AK5: variants seen among roughly 807,000 people sequenced by gnomAD.
AK5 encodes the protein adenylate kinase isoenzyme 5.
In AK5, 27 loss-of-function variants were observed where a neutral mutation model predicts 69.5. That is an observed-to-expected ratio of 0.39 (90% CI 0.29 to 0.54). The LOEUF (loss-of-function observed/expected upper bound fraction) is 0.54, where lower values mean the gene tolerates loss of function less well. AK5 is among the 20% of genes least tolerant of loss of function. The pLI, the probability that AK5 is intolerant of heterozygous loss-of-function variation, is 0.71. For missense variants in AK5, 531 were observed against 700.4 expected (o/e 0.76, Z 2.73); for synonymous variants, 260 against 244.4 (o/e 1.06, Z -0.60).
intron 10 of AK5, among the ~76,000 whole-genome samples, chr1:77,509,835 A>C (rs1189742518): frequency 1.3e-5 from 2 of 152,188 alleles, no homozygotes; most frequent in Non-Finnish European, 2.9e-5. Context: ...AGTTAGAAAG[A>C]CTTTTAAACA....
chr1:77,378,148 T>G (rs1647366668), intron 6 of AK5, among the ~76,000 whole-genome samples: 1 of 152,212 alleles, frequency 6.6e-6, no homozygotes. Context: ...GTAAGCTGTT[T>G]GAGACACAGC....
chr1:77,515,766 T>C (rs1036565440), intron 10 of AK5, among the ~76,000 whole-genome samples: 1 of 151,852 alleles, frequency 6.6e-6, no homozygotes, highest in Non-Finnish European at 1.5e-5. Flanking sequence ...AAAGGATGAA[T>C]GTGACCGGGC....
intron 12 of AK5, among the ~76,000 whole-genome samples, chr1:77,524,349 A>T (rs1201196448): frequency 6.6e-6 from 1 of 152,132 alleles, no homozygotes; most frequent in Non-Finnish European, 1.5e-5. Flanking sequence ...TTTTTTGAGG[A>T]GCCACCATAC....
chr1:77,346,071 T>C (rs1438112478), intron 6 of AK5: 2 of 152,238 alleles, frequency 1.3e-5, no homozygotes, highest in Non-Finnish European at 2.9e-5. Flanking sequence ...AATATATTTA[T>C]TGTTCGTTAA....
chr1:77,429,095 A>G (rs1371573636), intron 8 of AK5, among the ~76,000 whole-genome samples: 5 of 152,218 alleles, frequency 3.3e-5, no homozygotes, highest in Non-Finnish European at 5.9e-5. Flanking sequence ...TGCATGATTT[A>G]TAATCCTTTG....
At chr1:77,398,111 G>A (rs760862880) in intron 6 of AK5, among the ~76,000 whole-genome samples, 4 of 151,296 alleles carry the variant, frequency 2.6e-5, no homozygotes, top group South Asian at 2.1e-4. Flanking sequence ...GGTAGTTAAC[G>A]TCAAAATTGC....
At chr1:77,555,305 A>G (rs375642032) in intron 13 of AK5, among the ~76,000 whole-genome samples, 4 of 152,128 alleles carry the variant, frequency 2.6e-5, no homozygotes, top group East Asian at 1.9e-4. Context: ...CAAAAAAACA[A>G]TTCTTACGTG....
intron 10 of AK5, among the ~76,000 whole-genome samples, chr1:77,498,499 A>G (rs1473689303): frequency 6.6e-6 from 1 of 152,242 alleles, no homozygotes; most frequent in Non-Finnish European, 1.5e-5. Context: ...CATGAGTTCG[A>G]ATGTCGGCTC....
intron 5 of AK5, among the ~76,000 whole-genome samples, chr1:77,326,161 T>C (rs1001490959): frequency 1.3e-5 from 2 of 152,204 alleles, no homozygotes; most frequent in African/African-American, 4.8e-5. Context: ...AGGAGAGTTA[T>C]TCTGAGATAA....
At chr1:77,487,438 G>A (rs1340083698) in intron 10 of AK5, among the ~76,000 whole-genome samples, 1 of 152,098 alleles carries the variant, frequency 6.6e-6, no homozygotes, top group African/African-American at 2.4e-5. Flanking sequence ...AATCATTCAA[G>A]TGCCTCAAAA....
At chr1:77,452,977 T>A (rs953948445) in intron 8 of AK5, among the ~76,000 whole-genome samples, 1 of 152,244 alleles carries the variant, frequency 6.6e-6, no homozygotes, top group Non-Finnish European at 1.5e-5. Context: ...TTAAATAGAT[T>A]GTATAAAATA....
intron 9 of AK5, among the ~76,000 whole-genome samples, chr1:77,485,195 A>G: frequency 6.6e-6 from 1 of 152,180 alleles, no homozygotes. Context: ...ACTGGATTTG[A>G]TTTAAAAATT....
chr1:77,489,710 T>C (rs1405567886), intron 10 of AK5, among the ~76,000 whole-genome samples: 3 of 152,202 alleles, frequency 2.0e-5, no homozygotes, highest in Non-Finnish European at 4.4e-5. Flanking sequence ...CTATTCGCCT[T>C]AAGACAAAAT....
intron 5 of AK5, among the ~76,000 whole-genome samples, chr1:77,316,575 G>A (rs1161534331): frequency 6.6e-6 from 1 of 152,136 alleles, no homozygotes; most frequent in Non-Finnish European, 1.5e-5. Flanking sequence ...AATTTGATTT[G>A]CTGTGCCTAA....
At position 77,358,018 on chromosome 1, in the gene AK5, T is replaced by TGTGTGTGTGTGTGTGAGA. The variant is rs762714026; in HGVS notation, c.891+17451_891+17452insTGTGTGTGTGTGTGAGAG. ...GTGTGTGTGTGTGTGTGTGTGTGTGTGAGAGAGAGAGAGAGAGAGAGACAG... is the reference window on the plus strand; with the variant it reads ...GTGTGTGTGTGTGTGTGTGTGTGTGTGTGTGTGTGTGTGTGAGAGAGAGAGAGAGAGAGAGAGAGACAG... On this transcript the variant is annotated intron_variant, in intron 6 of 13. Transcript: ENST00000354567. Among the ~76,000 whole-genome samples the TGTGTGTGTGTGTGTGAGA allele has an allele frequency of 1.9e-3, 248 of 128,268 alleles. 2 individuals carry two copies. Among genetic ancestry groups the TGTGTGTGTGTGTGTGAGA allele is most frequent in the Middle Eastern group, 7.6e-3 (2 of 264 alleles). 84.1% of individuals were successfully genotyped at this position (128,268 alleles called of 152,430 possible).
At chr1:77,468,517 G>A (rs977812675) in intron 8 of AK5, among the ~76,000 whole-genome samples, 3 of 152,208 alleles carry the variant, frequency 2.0e-5, no homozygotes, top group Admixed American at 6.5e-5. Context: ...CAGTGGCAAG[G>A]GTCCAGCCCT....
chr1:77,514,839 C>T (rs1657549053), intron 10 of AK5, among the ~76,000 whole-genome samples: 1 of 152,196 alleles, frequency 6.6e-6, no homozygotes, highest in Admixed American at 6.5e-5. Flanking sequence ...GCATTTTTGC[C>T]TTGTAAGCCA....
intron 6 of AK5, among the ~76,000 whole-genome samples, chr1:77,391,495 G>GTATGTGTATATATATATATA (rs1553144161): frequency 1.7e-4 from 11 of 63,396 alleles, no homozygotes; most frequent in African/African-American, 4.7e-4. Context: ...GTGTGTGTGT[G>GTATGTGTATATATATATATA]TATATATATA....
At chr1:77,467,627 T>G (rs1311292705) in intron 8 of AK5, among the ~76,000 whole-genome samples, 1 of 152,222 alleles carries the variant, frequency 6.6e-6, no homozygotes, top group African/African-American at 2.4e-5. Flanking sequence ...TTCTTCGTAT[T>G]TACTCCTCTT....
Sources: gnomAD v4.1 joint callset for allele counts (sites outside exome capture counted in the v4.1 genomes callset) on GRCh38, gnomAD v4.1.1 for gene constraint, MANE v1.5 for transcripts, NCBI Gene and HGNC (gene_info 2026-07-23, HGNC 2026-07-21) for gene names.